The following RBM14 variants were observed in gnomAD, a reference collection of about 807,000 sequenced individuals.
RBM14 encodes the protein RNA-binding protein 14.
RBM14 carries 5 observed loss-of-function variants against 52.8 expected under a neutral mutation model. The observed-to-expected ratio is 0.09, with a 90% confidence interval of 0.05 to 0.20. The LOEUF (loss-of-function observed/expected upper bound fraction) is 0.20, where lower values mean the gene tolerates loss of function less well. Ranked by LOEUF, RBM14 falls within the 10% of genes least tolerant of loss-of-function variation. The pLI is 1.00. For missense variants in RBM14, 780 were observed against 926.6 expected (o/e 0.84, Z 2.05); for synonymous variants, 411 against 401.8 (o/e 1.02, Z -0.28).
Position 66,616,702 on chromosome 11 carries a change from A to G in RBM14, c.-19A>G. 6.3e-7 allele frequency: 1 copy of G among 1,580,536 alleles called. No homozygotes were observed. The highest frequency in any genetic ancestry group is 2.3e-5 in the East Asian group (1 of 44,258). On this transcript the variant is annotated 5_prime_UTR_variant, in exon 1 of 3. Transcript: ENST00000310137. ...GAGGAGAGGTCCGGGCTCTCCAGGA[A>G]GGTGGCTGCGGCGACAAAATGAAGA...
In RBM14 at chr11:66,626,469, C is replaced by T. The variant is rs1049081647; in HGVS notation, c.1811C>T (p.Ser604Phe). 6.2e-7 allele frequency: 1 copy of T among 1,612,816 alleles called. No homozygotes were observed. Among genetic ancestry groups the T allele is most frequent in the African/African-American group, 1.3e-5 (1 of 74,922 alleles). ...KAVAMSKRYG[S>F]DRRLAELSDY... The stretch of plus-strand genomic sequence containing the variant: ...CTTCTTCTCTCGACTAGGTATGGTT[C>T]CGACCGGCGTTTAGCCGAGCTCTCT... Residue 604 changes from serine to phenylalanine, a missense_variant, in exon 3 of 3, where the codon TCC becomes TTC. Around this residue, in one of 4 missense-constraint regions of RBM14, gnomAD observed 675 missense variants for 697.3 expected, o/e 0.97. Coordinates refer to ENST00000310137, the MANE Select transcript of RBM14 (RefSeq NM_006328.4).
rs1402214400 is a variant in RBM14 at position 66,629,515 on chromosome 11, CCA to C, written c.*2850_*2851del. On this transcript the variant is annotated 3_prime_UTR_variant, in exon 3 of 3. Coordinates refer to ENST00000310137, the MANE Select transcript of RBM14 (RefSeq NM_006328.4). ...AGTCATACCCATCACTTAAATTCTG[CCA>C]CAGTCTGCACAGACGGTTGGTCCTC... Among the ~76,000 whole-genome samples the C allele has an allele frequency of 6.6e-6, 1 of 152,180 alleles. No individual in the cohort carries two copies. The highest frequency in any genetic ancestry group is 1.5e-5 in the Non-Finnish European group (1 of 68,042).
rs2135026795 is a variant in RBM14 at position 66,626,756 on chromosome 11, TA to T, written c.*89del. Reference sequence around the variant, plus strand: ...TCCAGGTTATAACTACTCTGGCCCATACCTTTCCTGGTTGTGGTTTTTCATG... The same window carrying T: ...TCCAGGTTATAACTACTCTGGCCCATCCTTTCCTGGTTGTGGTTTTTCATG... On this transcript the variant is annotated 3_prime_UTR_variant, in exon 3 of 3. Transcript: ENST00000310137. 7.8e-7 allele frequency: 1 copy of T among 1,277,476 alleles called. No homozygotes were observed. Among genetic ancestry groups the T allele is most frequent in the African/African-American group, 1.5e-5 (1 of 66,904 alleles). 79.1% of individuals were successfully genotyped at this position (1,277,476 alleles called of 1,614,324 possible).
rs1456054633 is a variant in RBM14 at position 66,628,449 on chromosome 11, C to G, written c.*1781C>G. Among the ~76,000 whole-genome samples the G allele has an allele frequency of 3.3e-5, 5 of 152,142 alleles. No homozygotes were observed. The highest frequency in any genetic ancestry group is 7.3e-5 in the Non-Finnish European group (5 of 68,030). On this transcript the variant is annotated 3_prime_UTR_variant, in exon 3 of 3. Transcript: ENST00000310137. Reference sequence around the variant, plus strand: ...GACAGAATATCTTGCCCTAGATGTCCTCTTCCCTCTTGCCATCGTGCAAAA... The same window carrying G: ...GACAGAATATCTTGCCCTAGATGTCGTCTTCCCTCTTGCCATCGTGCAAAA...
chr11:66,617,064 C>T lies in RBM14; in HGVS notation c.337+7C>T, dbSNP rs372369217. On this transcript the variant is annotated splice_region_variant and intron_variant, in intron 1 of 2. Coordinates refer to ENST00000310137, the MANE Select transcript of RBM14 (RefSeq NM_006328.4). ...GAGTGTGACGTGGTGAAAGGTAACG[C>T]GGAGGCGCGCTCGGGGGCGGGGGCG... The T allele has an allele frequency of 1.9e-5, 29 of 1,566,128 alleles. No homozygotes were observed. Among genetic ancestry groups the T allele is most frequent in the Non-Finnish European group, 2.3e-5 (27 of 1,153,958 alleles).
In RBM14 at chr11:66,625,525, G is replaced by A; in HGVS notation, c.1649G>A (p.Gly550Glu). ...YRGQPGNAYD[G>E]AGQPSAAYLS... Reference sequence around the variant, plus strand: ...GGCCAGCCAGGCAATGCCTACGATGGGGCAGGTCAGCCGTCTGCAGCCTAC... The same window carrying A: ...GGCCAGCCAGGCAATGCCTACGATGAGGCAGGTCAGCCGTCTGCAGCCTAC... Residue 550 changes from glycine (G) to glutamate (E), a missense_variant, in exon 2 of 3, where the codon GGG (glycine) becomes GAG (glutamate). Coordinates refer to ENST00000310137, the MANE Select transcript of RBM14 (RefSeq NM_006328.4). This position sits in a 1 kb window ranked among gnomAD's most constrained non-coding sequence, Gnocchi z 4.2. The A allele has an allele frequency of 6.2e-7, 1 of 1,612,666 alleles. No homozygotes were observed. The highest frequency in any genetic ancestry group is 1.1e-5 in the South Asian group (1 of 91,008).
intron 1 of RBM14, chr11:66,623,886 G>A: frequency 1.4e-6 from 1 of 717,692 alleles, no homozygotes; most frequent in Non-Finnish European, 2.6e-6. Context: ...TTGTTCTGCT[G>A]GTTTGTACTT....
Position 66,625,839 on chromosome 11 carries a change from TC to T in RBM14, c.1802+163del. The T allele has an allele frequency of 1.6e-6, 1 of 630,124 alleles. No individual in the cohort carries two copies. The highest frequency in any genetic ancestry group is 2.2e-5 in the South Asian group (1 of 46,480). The allele number at this position is 630,124 out of a possible 1,614,324, so 39.0% of individuals were successfully genotyped here. On this transcript the variant is annotated intron_variant, in intron 2 of 2. Coordinates refer to ENST00000310137, the MANE Select transcript of RBM14 (RefSeq NM_006328.4). This position sits in a 1 kb window ranked among gnomAD's most constrained non-coding sequence, Gnocchi z 4.2. ...CGAGGGGAGCAGTGTCTATGAACTT[TC>T]CTGGTCACCAGGGTTCAGGTGGAGC...
rs960195396 is a variant in RBM14 at position 66,629,532 on chromosome 11, G to A, written c.*2864G>A. ...AAATTCTGCCACAGTCTGCACAGAC[G>A]GTTGGTCCTCCAGGCATATTGTCCT... is the stretch of plus-strand genomic sequence containing the variant. On this transcript the variant is annotated 3_prime_UTR_variant, in exon 3 of 3. Coordinates refer to ENST00000310137, the MANE Select transcript of RBM14 (RefSeq NM_006328.4). Among the ~76,000 whole-genome samples the A allele has an allele frequency of 3.3e-5, 5 of 152,170 alleles. No individual in the cohort carries two copies. The highest frequency in any genetic ancestry group is 9.7e-5 in the African/African-American group (4 of 41,434).
intron 1 of RBM14, among the ~76,000 whole-genome samples, chr11:66,618,746 C>CA (rs1254612511): frequency 6.6e-6 from 1 of 152,160 alleles, no homozygotes; most frequent in Non-Finnish European, 1.5e-5. Context: ...AGTCTAGAGT[C>CA]AAACATCTGA....
At position 66,621,828 on chromosome 11, in the gene RBM14, T is replaced by C. The variant is rs1002540268; in HGVS notation, c.338-2386T>C. ...ATTCCTTATTCTGTAGCTGTTCATA[T>C]CTTACAAGGCACTTTTGTCTTTTCT... On this transcript the variant is annotated intron_variant, in intron 1 of 2. Coordinates refer to ENST00000310137, the MANE Select transcript of RBM14 (RefSeq NM_006328.4). 2.6e-5 allele frequency among the ~76,000 whole-genome samples: 4 copies of C among 152,352 alleles called. No homozygotes were observed. The South Asian group carries it at 8.3e-4, about 32-fold the overall frequency.
At position 66,626,877 on chromosome 11, in the gene RBM14, C is replaced by T. The variant is rs913144814; in HGVS notation, c.*209C>T. ...TTCGCCTCAGCAGCAAATCTTGCTACTGGCTCTAGATCTGCGGTTTCCCCT... is the reference window on the plus strand; with the variant it reads ...TTCGCCTCAGCAGCAAATCTTGCTATTGGCTCTAGATCTGCGGTTTCCCCT... On this transcript the variant is annotated 3_prime_UTR_variant, in exon 3 of 3. Transcript: ENST00000310137. 31 of 556,284 alleles carry T rather than the reference C, an allele frequency of 5.6e-5. No homozygotes were observed. The Admixed American group carries it at 1.0e-3, about 18-fold the overall frequency. 34.5% of individuals were successfully genotyped at this position (556,284 alleles called of 1,614,324 possible).
chr11:66,616,847 C>T lies in RBM14; in HGVS notation c.127C>T (p.Arg43Cys), dbSNP rs1232887624. ...VMKQFAFVHMRENAGALRAIE... is the reference protein window; with the variant it reads ...VMKQFAFVHMCENAGALRAIE... ...GAAACAGTTCGCCTTCGTGCACATGCGCGAGAACGCGGGCGCGCTGCGCGC... is the reference window on the plus strand; with the variant it reads ...GAAACAGTTCGCCTTCGTGCACATGTGCGAGAACGCGGGCGCGCTGCGCGC... Residue 43 changes from arginine (R) to cysteine (C), a missense_variant, in exon 1 of 3, where the codon CGC becomes TGC. Physicochemically the swap from Arg to Cys is radical, Grantham distance 180. Around this residue, in one of 4 missense-constraint regions of RBM14, gnomAD observed 71 missense variants for 119.2 expected, o/e 0.60. Coordinates refer to ENST00000310137, the MANE Select transcript of RBM14 (RefSeq NM_006328.4). The T allele has an allele frequency of 3.7e-6, 6 of 1,612,464 alleles. No homozygotes were observed. Among genetic ancestry groups the T allele is most frequent in the Non-Finnish European group, 5.1e-6 (6 of 1,179,584 alleles).
At position 66,624,924 on chromosome 11, in the gene RBM14, G is replaced by A. The variant is rs146918957; in HGVS notation, c.1048G>A (p.Ala350Thr). The A allele has an allele frequency of 1.6e-4, 255 of 1,613,766 alleles. 1 individual carries two copies. The African/African-American group carries it at 2.1e-3, about 13-fold the overall frequency. ...SYGNQPSSYG[A>T]QAASSYGVRA... ...TGGTAACCAGCCATCCTCTTACGGC[G>A]CCCAGGCTGCCTCTTCCTATGGGGT... Residue 350 changes from alanine to threonine, a missense_variant, in exon 2 of 3, where the codon GCC becomes ACC. Around this residue, in one of 4 missense-constraint regions of RBM14, gnomAD observed 675 missense variants for 697.3 expected, o/e 0.97. Coordinates refer to ENST00000310137, the MANE Select transcript of RBM14 (RefSeq NM_006328.4). This position sits in a 1 kb window ranked among gnomAD's most constrained non-coding sequence, Gnocchi z 4.7.
At chr11:66,617,613 C>T (rs930149632) in intron 1 of RBM14, 10 of 967,902 alleles carry the variant, frequency 1.0e-5, no homozygotes, top group Non-Finnish European at 1.2e-5. Flanking sequence ...CATGGGTCTA[C>T]TCATGGGCAC....
At position 66,626,489 on chromosome 11, in the gene RBM14, C is replaced by G; in HGVS notation, c.1831C>G (p.Leu611Val). ...RYGSDRRLAE[L>V]SDYRRLSESQ... is the part of the protein sequence containing the mutation. The stretch of plus-strand genomic sequence containing the variant: ...TGGTTCCGACCGGCGTTTAGCCGAG[C>G]TCTCTGATTACCGCCGTTTATCAGA... The change falls in exon 3 of 3, where the codon CTC becomes GTC. Residue 611 changes from leucine (L) to valine (V), a missense_variant. Transcript: ENST00000310137. 2 of 1,613,756 alleles carry G rather than the reference C, an allele frequency of 1.2e-6. No homozygotes were observed. Among genetic ancestry groups the G allele is most frequent in the Non-Finnish European group, 1.7e-6 (2 of 1,179,978 alleles).
At position 66,628,518 on chromosome 11, in the gene RBM14, CTG is replaced by C. The variant is rs1014714350; in HGVS notation, c.*1851_*1852del. ...GTGAGTTCTTATTTGTGGATGCTAA[CTG>C]GGGTAATCTCAGGGAGTACTGGGGC... On this transcript the variant is annotated 3_prime_UTR_variant, in exon 3 of 3. Coordinates refer to ENST00000310137, the MANE Select transcript of RBM14 (RefSeq NM_006328.4). Among the ~76,000 whole-genome samples the C allele has an allele frequency of 3.0e-4, 41 of 138,738 alleles. No homozygotes were observed. Among genetic ancestry groups the C allele is most frequent in the African/African-American group, 9.3e-4 (37 of 40,000 alleles). 91.0% of individuals were successfully genotyped at this position (138,738 alleles called of 152,430 possible).
chr11:66,619,140 G>A (rs1858979098), intron 1 of RBM14: 1 of 152,434 alleles, frequency 6.6e-6, no homozygotes, highest in African/African-American at 2.4e-5. Flanking sequence ...AGGGTTGAAA[G>A]TTGGGAGTGT....
chr11:66,617,424 G>A (rs1022073772), intron 1 of RBM14: 14 of 1,076,406 alleles, frequency 1.3e-5, no homozygotes, highest in Non-Finnish European at 1.6e-5. Context: ...ATGAAGCGGG[G>A]AAGATTTCTC....
Sources: allele counts gnomAD v4.1 joint callset (sites outside exome capture counted in the v4.1 genomes callset), GRCh38; gene constraint gnomAD v4.1.1; regional missense constraint gnomAD v4.1.1; non-coding constraint Gnocchi (gnomAD v3.1); transcripts MANE v1.5; gene names NCBI Gene and HGNC (gene_info 2026-07-23, HGNC 2026-07-21).